Variants in PALM2AKAP2 observed in about 807,000 individuals in gnomAD.
The protein encoded by PALM2AKAP2 is PALM2-AKAP2 fusion protein.
PALM2AKAP2 carries 37 observed loss-of-function variants against 71.5 expected under a neutral mutation model. The ratio of observed to expected loss-of-function variants is 0.52; its 90% CI spans 0.40 to 0.68. The LOEUF (loss-of-function observed/expected upper bound fraction) is 0.68, where lower values mean the gene tolerates loss of function less well. Ranked by LOEUF, PALM2AKAP2 falls within the 30% of genes least tolerant of loss-of-function variation. PALM2AKAP2 has a pLI of 0.00. For missense variants in PALM2AKAP2, 1,224 were observed against 1,191.8 expected (o/e 1.03, Z -0.40); for synonymous variants, 468 against 478.8 (o/e 0.98, Z 0.29).
At chr9:109,690,313 T>C (rs1827864933) in intron 1 of PALM2AKAP2, among the ~76,000 whole-genome samples, 2 of 152,224 alleles carry the variant, frequency 1.3e-5, no homozygotes, top group Non-Finnish European at 2.9e-5. Context: ...AATTATGAAG[T>C]TAGAGGAATA....
At chr9:109,722,664 C>T (rs1291697561) in intron 1 of PALM2AKAP2, among the ~76,000 whole-genome samples, 4 of 152,034 alleles carry the variant, frequency 2.6e-5, no homozygotes, top group South Asian at 2.1e-4. Context: ...CCCAGCTTTT[C>T]GTGAGGCTGA....
At chr9:109,995,400 GA>G (rs1425435520) in intron 6 of PALM2AKAP2, among the ~76,000 whole-genome samples, 6 of 152,214 alleles carry the variant, frequency 3.9e-5, no homozygotes, top group African/African-American at 1.4e-4. Context: ...CAACACAACA[GA>G]AATGCAAGGA....
intron 5 of PALM2AKAP2, among the ~76,000 whole-genome samples, chr9:109,930,391 A>G (rs1831067984): frequency 6.6e-6 from 1 of 151,984 alleles, no homozygotes; most frequent in Non-Finnish European, 1.5e-5. Context: ...ATGCCCAGCT[A>G]ATTTTTGTAT....
At chr9:109,702,434 C>A (rs1828075740) in intron 1 of PALM2AKAP2, among the ~76,000 whole-genome samples, 1 of 152,140 alleles carries the variant, frequency 6.6e-6, no homozygotes, top group Non-Finnish European at 1.5e-5. Flanking sequence ...GAGTTCGTGT[C>A]CTTTGTAGGG....
intron 3 of PALM2AKAP2, among the ~76,000 whole-genome samples, chr9:109,888,132 G>T (rs1830008239): frequency 6.6e-6 from 1 of 152,192 alleles, no homozygotes; most frequent in Non-Finnish European, 1.5e-5. Flanking sequence ...TTTCTAGCCT[G>T]TGTACAGTCT....
At chr9:109,914,526 G>A (rs1830641847) in intron 3 of PALM2AKAP2, among the ~76,000 whole-genome samples, 1 of 152,216 alleles carries the variant, frequency 6.6e-6, no homozygotes, top group Non-Finnish European at 1.5e-5. Context: ...CATGTGGGCA[G>A]CTTTCCTCTC....
chr9:109,834,849 C>G (rs1780558647), intron 1 of PALM2AKAP2, among the ~76,000 whole-genome samples: 1 of 152,194 alleles, frequency 6.6e-6, no homozygotes, highest in Admixed American at 6.5e-5. Flanking sequence ...AGTCTAGAGC[C>G]TGGACTTGAC....
intron 1 of PALM2AKAP2, among the ~76,000 whole-genome samples, chr9:109,680,335 C>T (rs184029000): frequency 7.9e-5 from 12 of 152,188 alleles, no homozygotes; most frequent in African/African-American, 2.2e-4. Context: ...AACAGTCACA[C>T]GAGGTGTATA....
intron 1 of PALM2AKAP2, among the ~76,000 whole-genome samples, chr9:109,843,242 C>T (rs1828755348): frequency 7.5e-6 from 1 of 133,114 alleles, no homozygotes; most frequent in South Asian, 2.4e-4. Flanking sequence ...TTTGGTGCTG[C>T]AGTGAGCTAT....
chr9:109,805,196 G>C (rs1396406857), intron 1 of PALM2AKAP2, among the ~76,000 whole-genome samples: 1 of 152,158 alleles, frequency 6.6e-6, no homozygotes, highest in Non-Finnish European at 1.5e-5. Flanking sequence ...GACCATCAGA[G>C]AACCTCCTCC....
At chr9:109,723,766 A>G (rs1587882975) in intron 1 of PALM2AKAP2, among the ~76,000 whole-genome samples, 1 of 152,352 alleles carries the variant, frequency 6.6e-6, no homozygotes, top group East Asian at 1.9e-4. Context: ...ATCCATAGGC[A>G]TGAGCTAAAA....
chr9:109,820,390 T>A (rs1460024134), intron 1 of PALM2AKAP2, among the ~76,000 whole-genome samples: 4 of 152,172 alleles, frequency 2.6e-5, no homozygotes, highest in Admixed American at 6.5e-5. Context: ...GATGCTCCAG[T>A]GGTGAGATGC....
At chr9:109,831,891 C>T (rs1280954850) in intron 1 of PALM2AKAP2, among the ~76,000 whole-genome samples, 2 of 152,106 alleles carry the variant, frequency 1.3e-5, no homozygotes, top group South Asian at 2.1e-4. Context: ...TTTTAAGTGA[C>T]TTGAGCTATC....
intron 1 of PALM2AKAP2, among the ~76,000 whole-genome samples, chr9:109,746,466 T>A (rs1003862065): frequency 1.3e-5 from 2 of 152,212 alleles, no homozygotes; most frequent in Non-Finnish European, 2.9e-5. Flanking sequence ...ACAAAGTAGG[T>A]GTTTGATCAT....
At chr9:109,784,670 G>C (rs949997353) in intron 1 of PALM2AKAP2, among the ~76,000 whole-genome samples, 1 of 152,252 alleles carries the variant, frequency 6.6e-6, no homozygotes. Flanking sequence ...GGAGGTTCTA[G>C]AACTGGTCTA....
At chr9:109,738,390 G>T (rs1427781122) in intron 1 of PALM2AKAP2, among the ~76,000 whole-genome samples, 1 of 152,152 alleles carries the variant, frequency 6.6e-6, no homozygotes, top group African/African-American at 2.4e-5. Context: ...TAGGAAAAGA[G>T]AATAAAACTG....
intron 1 of PALM2AKAP2, among the ~76,000 whole-genome samples, chr9:109,801,249 G>A (rs928637486): frequency 1.3e-5 from 2 of 152,184 alleles, no homozygotes; most frequent in African/African-American, 4.8e-5. Context: ...ACAAGAGAAT[G>A]GGGAAGATAC....
rs540073420 is a variant in PALM2AKAP2, at chr9:109,914,813, C to G, written c.258-8922C>G. 1.9e-4 allele frequency among the ~76,000 whole-genome samples: 29 copies of G among 152,276 alleles called. No homozygotes were observed. The South Asian group carries it at 3.9e-3, about 21-fold the overall frequency. Reference sequence around the variant, plus strand: ...GTGAGTTATTTCATAAAGGCTCAGCCCATCGTCAGGAATATGCTGGTCTTG... The same window carrying G: ...GTGAGTTATTTCATAAAGGCTCAGCGCATCGTCAGGAATATGCTGGTCTTG... On this transcript the variant is annotated intron_variant, in intron 3 of 9. Coordinates refer to the PALM2AKAP2 transcript ENST00000302798.
chr9:110,025,328 A>T (rs2132388254), intron 7 of PALM2AKAP2: 1 of 1,191,994 alleles, frequency 8.4e-7, no homozygotes. Context: ...ATATGTCGGG[A>T]GCCTCTCCTC....
Sources: allele counts gnomAD v4.1 joint callset (sites outside exome capture counted in the v4.1 genomes callset), GRCh38; gene constraint gnomAD v4.1.1; transcripts MANE v1.5; gene names NCBI Gene and HGNC (gene_info 2026-07-23, HGNC 2026-07-21).